The following ADAMTS13 variants were observed in gnomAD, a reference collection of about 807,000 sequenced individuals.
ADAMTS13 encodes A disintegrin and metalloproteinase with thrombospondin motifs 13.
In ADAMTS13, 110 loss-of-function variants were observed where a neutral mutation model predicts 155.1. The observed-to-expected ratio is 0.71, with a 90% CI of 0.61 to 0.83. ADAMTS13 has a LOEUF of 0.83. Ranked by LOEUF, ADAMTS13 falls within the 40% of genes least tolerant of loss-of-function variation. The probability of loss-of-function intolerance (pLI) is 0.00; values close to 1 mark genes in which losing one functional copy is unlikely to be tolerated. For synonymous variants in ADAMTS13, 758 were observed against 756.4 expected (o/e 1.00, Z -0.03); for missense variants, 1,707 against 1,891.7 (o/e 0.90, Z 1.81).
intron 25 of ADAMTS13, 48 bp downstream of exon 25, chr9:133,455,483 A>G (rs1842684939): frequency 6.2e-7 from 1 of 1,612,220 alleles, no homozygotes; most frequent in Non-Finnish European, 8.5e-7. Context: ...TCCAGGACGG[A>G]CCACAGCCAC....
intron 7 of ADAMTS13, among the ~76,000 whole-genome samples, chr9:133,429,519 C>T (rs1233625740): frequency 8.5e-6 from 1 of 117,958 alleles, no homozygotes; most frequent in East Asian, 2.4e-4. Context: ...TGCACCCACC[C>T]CCTCACTTCA....
At chr9:133,434,547 C>T (rs934383201) in intron 11 of ADAMTS13, among the ~76,000 whole-genome samples, 2 of 152,156 alleles carry the variant, frequency 1.3e-5, no homozygotes, top group South Asian at 4.2e-4. Context: ...CCTCGTGATC[C>T]GCCTGCCTCG....
chr9:133,417,662 C>T, upstream of ADAMTS13: 1 of 1,614,108 alleles, frequency 6.2e-7, no homozygotes, highest in South Asian at 1.1e-5. Flanking sequence ...CTTCTGGTGC[C>T]TTTGGAGGTC....
At chr9:133,452,881 T>C (rs1440310498) in intron 23 of ADAMTS13, among the ~76,000 whole-genome samples, 3 of 152,196 alleles carry the variant, frequency 2.0e-5, no homozygotes, top group Non-Finnish European at 2.9e-5. Context: ...TCCCCTGACT[T>C]AGGGCTTCTG....
At chr9:133,451,055 G>C (rs183190345) in intron 23 of ADAMTS13, among the ~76,000 whole-genome samples, 38 of 152,334 alleles carry the variant, frequency 2.5e-4, no homozygotes, top group African/African-American at 8.7e-4. Flanking sequence ...GGGGTCCGGA[G>C]CCCAGTGGTA....
intron 25 of ADAMTS13, 106 bp downstream of exon 25, chr9:133,455,541 TCTCCCCGG>T: frequency 6.2e-7 from 1 of 1,610,172 alleles, no homozygotes; most frequent in South Asian, 1.1e-5. Context: ...GGCCTGCTCT[TCTCCCCGG>T]CTCCCCAGCC....
chr9:133,428,005 C>T (rs1840394840), intron 6 of ADAMTS13, among the ~76,000 whole-genome samples: 1 of 152,196 alleles, frequency 6.6e-6, no homozygotes, highest in Non-Finnish European at 1.5e-5. Context: ...CCTGTTTTAG[C>T]TAGTCCTCTG....
intron 6 of ADAMTS13, among the ~76,000 whole-genome samples, chr9:133,427,129 C>T (rs913395693): frequency 1.3e-5 from 2 of 152,304 alleles, no homozygotes; most frequent in African/African-American, 4.8e-5. Flanking sequence ...AGGGTAAGTG[C>T]AGGATTTACC....
Position 133,445,199 on chromosome 9 carries a change from C to T in ADAMTS13, c.2610+147C>T, listed in dbSNP as rs1011653089. 1 of 987,256 alleles carries T rather than the reference C, an allele frequency of 1.0e-6. No individual in the cohort carries two copies. Among genetic ancestry groups the T allele is most frequent in the Non-Finnish European group, 1.5e-6 (1 of 672,902 alleles). The allele number at this position is 987,256 out of a possible 1,614,324, so 61.2% of individuals were successfully genotyped here. On this transcript the variant is annotated intron_variant, in intron 20 of 28. Transcript: ENST00000355699. The surrounding 1 kb of genome is among the most constrained non-coding windows in gnomAD (Gnocchi z 5.0). ...ATGCTGTCTGAGGGCCACCCCTGCTCAGAAAAGAAGCTTAGAAAGAGGGCT... is the reference window on the plus strand; with the variant it reads ...ATGCTGTCTGAGGGCCACCCCTGCTTAGAAAAGAAGCTTAGAAAGAGGGCT...
chr9:133,455,609 G>A, intron 25 of ADAMTS13, 174 bp downstream of exon 25: 1 of 1,600,154 alleles, frequency 6.2e-7, no homozygotes. Flanking sequence ...GTCCAGTTAT[G>A]TCCTGTCCTC....
intron 8 of ADAMTS13, among the ~76,000 whole-genome samples, chr9:133,432,205 AG>A (rs1840820701): frequency 6.6e-6 from 1 of 152,142 alleles, no homozygotes; most frequent in East Asian, 1.9e-4. Context: ...GCAGAGGTTG[AG>A]GTGAGCCAAG....
At position 133,456,403 on chromosome 9, in the gene ADAMTS13, G is replaced by A. The variant is rs1457855364; in HGVS notation, c.3548-140G>A. On this transcript the variant is annotated intron_variant, in intron 26 of 28. Transcript: ENST00000355699. The surrounding 1 kb of genome is among the most constrained non-coding windows in gnomAD (Gnocchi z 4.4). Reference sequence around the variant, plus strand: ...GGAAACTGAGGCTAGGAGAGATTAAGTGATGTGCCCAGTTACTTAGAGTCA... The same window carrying A: ...GGAAACTGAGGCTAGGAGAGATTAAATGATGTGCCCAGTTACTTAGAGTCA... The A allele has an allele frequency of 2.2e-5, 30 of 1,375,188 alleles. No individual in the cohort carries two copies. The highest frequency in any genetic ancestry group is 2.9e-5 in the Non-Finnish European group (29 of 999,436). The allele number at this position is 1,375,188 out of a possible 1,614,324, so 85.2% of individuals were successfully genotyped here. A position where few individuals can be genotyped will look rare whatever the true frequency, so the allele number is the denominator to read the frequency against.
At chr9:133,418,161 G>A (rs1839792395), upstream of ADAMTS13, 1 of 404,816 alleles carries the variant, frequency 2.5e-6, no homozygotes. Context: ...CGGGGTCATC[G>A]ACCTCGAGTT....
At chr9:133,451,701 G>C (rs1842443078) in intron 23 of ADAMTS13, among the ~76,000 whole-genome samples, 1 of 152,056 alleles carries the variant, frequency 6.6e-6, no homozygotes, top group South Asian at 2.1e-4. Flanking sequence ...GACCAGCCTG[G>C]ACAACATGCC....
intron 11 of ADAMTS13, among the ~76,000 whole-genome samples, chr9:133,436,528 C>T (rs937574694): frequency 1.3e-5 from 2 of 152,198 alleles, no homozygotes; most frequent in Non-Finnish European, 1.5e-5. Context: ...TACACATCCC[C>T]GTCCCTGTTT....
rs1840281608 is a variant in ADAMTS13, at chr9:133,426,348, A to G, written c.686+3A>G. ...ATTGCCCATGAGATTGGGCACAGGTATGTAGCCCCACCAGCTGTCCCCAGG... is the reference window on the plus strand; with the variant it reads ...ATTGCCCATGAGATTGGGCACAGGTGTGTAGCCCCACCAGCTGTCCCCAGG... On this transcript the variant is annotated splice_donor_region_variant and intron_variant, in intron 6 of 28. Coordinates refer to ENST00000355699, the MANE Select transcript of ADAMTS13 (RefSeq NM_139027.6). 2 of 1,599,896 alleles carry G rather than the reference A, an allele frequency of 1.3e-6. No homozygotes were observed. Among genetic ancestry groups the G allele is most frequent in the Non-Finnish European group, 1.7e-6 (2 of 1,179,922 alleles).
upstream of ADAMTS13, among the ~76,000 whole-genome samples, chr9:133,421,409 A>C (rs145664073): frequency 1.3e-5 from 2 of 152,328 alleles, no homozygotes; most frequent in East Asian, 3.9e-4. Flanking sequence ...CCTTCCCTCC[A>C]GTCCCCCATT....
chr9:133,431,157 G>T (rs1187016812), intron 8 of ADAMTS13, among the ~76,000 whole-genome samples: 1 of 151,594 alleles, frequency 6.6e-6, no homozygotes, highest in East Asian at 1.9e-4. Context: ...TAGAGATGGG[G>T]TCTCCCTTTG....
intron 2 of ADAMTS13, 125 bp downstream of exon 2, chr9:133,423,292 G>A: frequency 1.1e-6 from 1 of 897,224 alleles, no homozygotes; most frequent in Non-Finnish European, 1.8e-6. Flanking sequence ...AGAAGCTGCT[G>A]TCAACCCTGT....
Sources: gnomAD v4.1 joint callset for allele counts (sites outside exome capture counted in the v4.1 genomes callset) on GRCh38, gnomAD v4.1.1 for gene constraint, Gnocchi (gnomAD v3.1) non-coding constraint, MANE v1.5 for transcripts, NCBI Gene and HGNC (gene_info 2026-07-23, HGNC 2026-07-21) for gene names.